Variants in TAF5L observed in about 807,000 individuals in gnomAD.
TAF5L encodes TATA-box binding protein associated factor 5 like, also known as TAF5-like RNA polymerase II p300/CBP-associated factor-associated factor 65 kDa subunit 5L.
TAF5L carries 7 observed loss-of-function variants against 51.3 expected under a neutral mutation model. The ratio of observed to expected loss-of-function variants is 0.14; its 90% confidence interval spans 0.08 to 0.26. TAF5L has a LOEUF of 0.26. Ranked by LOEUF, TAF5L falls within the 10% of genes least tolerant of loss-of-function variation. The probability of loss-of-function intolerance (pLI) is 1.00; values close to 1 mark genes in which losing one functional copy is unlikely to be tolerated. For synonymous variants in TAF5L, 291 were observed against 308.1 expected, an observed-to-expected ratio of 0.94 and a Z score of 0.58; for missense variants, 575 against 758.9, an observed-to-expected ratio of 0.76 and a Z score of 2.85.
Position 229,602,214 on chromosome 1 carries a change from C to A in TAF5L, c.953G>T (p.Cys318Phe), listed in dbSNP as rs748512825. The A allele has an allele frequency of 1.4e-5, 23 of 1,613,470 alleles. No homozygotes were observed. In the Admixed American group the frequency reaches 2.0e-4, roughly 14 times the overall value. ...TCATACCTCCTCCTCCAGAATATCACAAGCCAAATGGATGCGGGACACGTC... is the reference window on the plus strand; with the variant it reads ...TCATACCTCCTCCTCCAGAATATCAAAAGCCAAATGGATGCGGGACACGTC... Residue 318 changes from cysteine (C) to phenylalanine (F), a missense_variant, in exon 4 of 5, where the codon TGT becomes TTT. Physicochemically the swap from Cys to Phe is radical, Grantham distance 205. This residue lies in a region of TAF5L where 380 missense variants were observed against 443.7 expected (regional missense o/e 0.86). Transcript: ENST00000258281. This position sits in a 1 kb window ranked among gnomAD's most constrained non-coding sequence, Gnocchi z 4.6.
intron 1 of TAF5L, among the ~76,000 whole-genome samples, chr1:229,615,754 T>C (rs1441547957): frequency 1.3e-5 from 2 of 152,214 alleles, no homozygotes; most frequent in Non-Finnish European, 2.9e-5. Flanking sequence ...CAATGACAGC[T>C]GGATGAATTT....
chr1:229,602,670 C>T lies in TAF5L; in HGVS notation c.497G>A (p.Arg166His), dbSNP rs143158546. The T allele has an allele frequency of 6.0e-5, 97 of 1,614,118 alleles. No homozygotes were observed. Among genetic ancestry groups the T allele is most frequent in the African/African-American group, 6.7e-5 (5 of 75,014 alleles). Residue 166 changes from arginine to histidine, a missense_variant, in exon 4 of 5, where the codon CGT becomes CAT. Arg to His is a conservative substitution (Grantham distance 29). This residue lies in a region of TAF5L where 380 missense variants were observed against 443.7 expected (regional missense o/e 0.86). Coordinates refer to ENST00000258281, the Ensembl canonical transcript of TAF5L. The surrounding 1 kb of genome is among the most constrained non-coding windows in gnomAD (Gnocchi z 4.6). Reference sequence around the variant, plus strand: ...GTAGTTGTAGCTGTCTTCTTGGAGACGGACCACGTACTTGTTATCTAGGAA... The same window carrying T: ...GTAGTTGTAGCTGTCTTCTTGGAGATGGACCACGTACTTGTTATCTAGGAA...
chr1:229,600,715 C>G, intron 4 of TAF5L: 1 of 985,440 alleles, frequency 1.0e-6, no homozygotes, highest in East Asian at 1.1e-4. Flanking sequence ...ACTTCTGAGT[C>G]TTCAGATACA....
At chr1:229,595,768 C>T (rs1388787669) in intron 4 of TAF5L, among the ~76,000 whole-genome samples, 3 of 152,080 alleles carry the variant, frequency 2.0e-5, no homozygotes, top group Non-Finnish European at 2.9e-5. Context: ...TGGGGTCAAG[C>T]GATTCTCCTG....
chr1:229,616,029 T>TA (rs1225748164), intron 1 of TAF5L, among the ~76,000 whole-genome samples: 4 of 152,168 alleles, frequency 2.6e-5, no homozygotes, highest in Non-Finnish European at 5.9e-5. Context: ...GTTTTATTTT[T>TA]TTTGAGACAG....
intron 3 of TAF5L, among the ~76,000 whole-genome samples, chr1:229,604,599 T>C (rs1258273783): frequency 6.6e-6 from 1 of 152,168 alleles, no homozygotes; most frequent in Non-Finnish European, 1.5e-5. Flanking sequence ...GACATCTCTG[T>C]ACCCTGCCCT....
In TAF5L at chr1:229,602,323, G is replaced by C. The variant is rs752904105; in HGVS notation, c.844C>G (p.Leu282Val). Reference sequence around the variant, plus strand: ...GAGTTGTCAAACCCAGCAGCAAGCAGCTTGCTATCGGGGGAGATTTCTGCA... The same window carrying C: ...GAGTTGTCAAACCCAGCAGCAAGCACCTTGCTATCGGGGGAGATTTCTGCA... Residue 282 changes from leucine to valine, a missense_variant, in exon 4 of 5, where the codon CTG (leucine) becomes GTG (valine). By Grantham distance (32) the Leu-to-Val change is conservative. Around this residue, in one of 3 missense-constraint regions of TAF5L, gnomAD observed 380 missense variants for 443.7 expected, o/e 0.86. Coordinates refer to ENST00000258281, the Ensembl canonical transcript of TAF5L. This position sits in a 1 kb window ranked among gnomAD's most constrained non-coding sequence, Gnocchi z 4.6. The C allele has an allele frequency of 1.2e-4, 188 of 1,614,194 alleles. No individual in the cohort carries two copies. In the Admixed American group the frequency reaches 3.1e-3, roughly 26 times the overall value.
chr1:229,594,893 T>C lies in TAF5L; in HGVS notation c.1174A>G (p.Ile392Val), dbSNP rs770864404. The change falls in exon 5 of 5, where the codon ATC becomes GTC. Residue 392 changes from isoleucine to valine, a missense_variant. By Grantham distance (29) the Ile-to-Val change is conservative. Transcript: ENST00000258281. This position sits in a 1 kb window ranked among gnomAD's most constrained non-coding sequence, Gnocchi z 7.9. ...GCGAAGTACAGGCTATATGGACTGATGTCCAGATCCCACACAGGATAGGCA... is the reference window on the plus strand; with the variant it reads ...GCGAAGTACAGGCTATATGGACTGACGTCCAGATCCCACACAGGATAGGCA... 14 of 1,614,208 alleles carry C rather than the reference T, an allele frequency of 8.7e-6. No homozygotes were observed. Among genetic ancestry groups the C allele is most frequent in the Middle Eastern group, 1.6e-4 (1 of 6,062 alleles).
In TAF5L at chr1:229,594,869, C is replaced by T; in HGVS notation, c.1198G>A (p.Ala400Thr). ...GCGGTGCGGTCGTGGGACCCGCTGG[C>T]GAAGTACAGGCTATATGGACTGATG... Residue 400 changes from alanine (A) to threonine (T), a missense_variant, in exon 5 of 5, where the codon GCC (alanine) becomes ACC (threonine). Coordinates refer to ENST00000258281, the Ensembl canonical transcript of TAF5L. This position sits in a 1 kb window ranked among gnomAD's most constrained non-coding sequence, Gnocchi z 7.9. 6.2e-7 allele frequency: 1 copy of T among 1,614,132 alleles called. No individual in the cohort carries two copies.
chr1:229,620,352 C>T (rs930469662), intron 1 of TAF5L, among the ~76,000 whole-genome samples: 2 of 152,222 alleles, frequency 1.3e-5, no homozygotes, highest in African/African-American at 4.8e-5. Context: ...TGCCACTATG[C>T]CCGACTCTAC....
rs1354096504 is a variant in TAF5L at position 229,602,298 on chromosome 1, G to C, written c.869C>G (p.Ser290Cys). 3.1e-6 allele frequency: 5 copies of C among 1,614,030 alleles called. No homozygotes were observed. In the African/African-American group the frequency reaches 5.3e-5, roughly 17 times the overall value. Residue 290 changes from serine to cysteine, a missense_variant, in exon 4 of 5, where the codon TCC (serine) becomes TGC (cysteine). Ser to Cys is a moderately radical substitution (Grantham distance 112, BLOSUM62 -1). Coordinates refer to ENST00000258281, the Ensembl canonical transcript of TAF5L. The surrounding 1 kb of genome is among the most constrained non-coding windows in gnomAD (Gnocchi z 4.6). ...TCGTAAACTCCAAAGTTTTATACAG[G>C]AGTTGTCAAACCCAGCAGCAAGCAG...
Position 229,594,244 on chromosome 1 carries a change from G to C in TAF5L, c.*53C>G. 2 of 1,530,310 alleles carry C rather than the reference G, an allele frequency of 1.3e-6. No individual in the cohort carries two copies. Among genetic ancestry groups the C allele is most frequent in the Non-Finnish European group, 1.8e-6 (2 of 1,128,970 alleles). 94.8% of individuals were successfully genotyped at this position (1,530,310 alleles called of 1,614,324 possible). ...TTCAATCTCAGCTCATTGAAGGATT[G>C]CAACTGGAGGCTTTCCACTGTTACC... On this transcript the variant is annotated 3_prime_UTR_variant, in exon 5 of 5. Coordinates refer to ENST00000258281, the Ensembl canonical transcript of TAF5L. This position sits in a 1 kb window ranked among gnomAD's most constrained non-coding sequence, Gnocchi z 7.9.
At chr1:229,605,957 TTTTTC>T (rs1205426815) in intron 3 of TAF5L, among the ~76,000 whole-genome samples, 1 of 152,224 alleles carries the variant, frequency 6.6e-6, no homozygotes, top group Non-Finnish European at 1.5e-5. Flanking sequence ...TAGATTTTGG[TTTTTC>T]TTTTCCCTTT....
rs776768277 is a variant in TAF5L at position 229,594,478 on chromosome 1, A to T, written c.1589T>A (p.Met530Lys). 6.2e-7 allele frequency: 1 copy of T among 1,613,992 alleles called. No homozygotes were observed. Among genetic ancestry groups the T allele is most frequent in the Non-Finnish European group, 8.5e-7 (1 of 1,180,026 alleles). Residue 530 changes from methionine to lysine, a missense_variant, in exon 5 of 5, where the codon ATG (methionine) becomes AAG (lysine). By Grantham distance (95) the Met-to-Lys change is moderately conservative. Transcript: ENST00000258281. The surrounding 1 kb of genome is among the most constrained non-coding windows in gnomAD (Gnocchi z 7.9). ...GTCCCAGACGCGCACCGAGTTGTCC[A>T]TGGAGGCAGAGGCAATCAAGCCGCT...
chr1:229,624,548 C>T (rs1188848717), intron 1 of TAF5L, among the ~76,000 whole-genome samples: 1 of 151,844 alleles, frequency 6.6e-6, no homozygotes, highest in Non-Finnish European at 1.5e-5. Context: ...GAGGCTGAGG[C>T]GGGAGGACTG....
chr1:229,600,477 C>T, intron 4 of TAF5L: 6 of 985,420 alleles, frequency 6.1e-6, no homozygotes, highest in Non-Finnish European at 7.2e-6. Context: ...GCCTGAAACA[C>T]AAACGTCACC....
chr1:229,605,740 T>C (rs1358387159), intron 3 of TAF5L, among the ~76,000 whole-genome samples: 1 of 152,212 alleles, frequency 6.6e-6, no homozygotes, highest in Non-Finnish European at 1.5e-5. Flanking sequence ...AGAAAAAGAC[T>C]TATCTTCCCC....
At chr1:229,623,013 G>C (rs113898985) in intron 1 of TAF5L, among the ~76,000 whole-genome samples, 47 of 152,240 alleles carry the variant, frequency 3.1e-4, no homozygotes, top group African/African-American at 6.0e-4. Context: ...ACGGTGGCTC[G>C]GGCCTGTAAT....
intron 1 of TAF5L, among the ~76,000 whole-genome samples, chr1:229,616,848 T>C (rs915328097): frequency 5.9e-5 from 9 of 152,224 alleles, no homozygotes; most frequent in African/African-American, 1.7e-4. Context: ...GATTACATTA[T>C]CTGTGCATTT....
Sources: gnomAD v4.1 joint callset for allele counts (sites outside exome capture counted in the v4.1 genomes callset) on GRCh38, gnomAD v4.1.1 for gene constraint, gnomAD v4.1.1 regional missense constraint, Gnocchi (gnomAD v3.1) non-coding constraint, MANE v1.5 for transcripts, NCBI Gene and HGNC (gene_info 2026-07-23, HGNC 2026-07-21) for gene names.